USP25: variants seen among roughly 807,000 people sequenced by gnomAD.
USP25 encodes the protein ubiquitin specific peptidase 25, also known as ubiquitin carboxyl-terminal hydrolase 25.
USP25 carries 85 observed loss-of-function variants against 158.5 expected under a neutral mutation model. The observed-to-expected ratio is 0.54, with a 90% CI of 0.45 to 0.64. USP25 has a LOEUF of 0.64. Ranked by LOEUF, USP25 falls within the 30% of genes least tolerant of loss-of-function variation. USP25 has a pLI of 0.00. For missense variants in USP25, 1,242 were observed against 1,327.3 expected, an observed-to-expected ratio of 0.94 and a Z score of 1.00; for synonymous variants, 464 against 460.4, an observed-to-expected ratio of 1.01 and a Z score of -0.10.
rs749731267 is a variant in USP25, at chr21:15,818,704, A to T, written c.938A>T (p.Lys313Ile). ...ATTTTCTCCCTTCTTATAGGTAAAA[A>T]ATTTGAAAACACTGAAATGTTTGGT... Reference protein sequence around the residue: ...FLAVGVLEGKKFENTEMFGQY... With the variant: ...FLAVGVLEGKIFENTEMFGQY... Residue 313 changes from lysine to isoleucine, a missense_variant, in exon 10 of 26, where the codon AAA (lysine) becomes ATA (isoleucine). Lys to Ile is a moderately radical substitution (Grantham distance 102). Coordinates refer to ENST00000400183, the MANE Select transcript of USP25 (RefSeq NM_001283041.3). 2 of 1,604,328 alleles carry T rather than the reference A, an allele frequency of 1.2e-6. No homozygotes were observed. Among genetic ancestry groups the T allele is most frequent in the African/African-American group, 1.3e-5 (1 of 74,546 alleles).
chr21:15,808,748 C>T, intron 7 of USP25, 61 bp from the exon 8 acceptor site: 1 of 1,283,904 alleles, frequency 7.8e-7, no homozygotes, highest in Non-Finnish European at 1.1e-6. Context: ...TTTGATGTTA[C>T]AACATCTAGT....
intron 1 of USP25, among the ~76,000 whole-genome samples, chr21:15,736,068 GT>G (rs1568740398): frequency 6.7e-6 from 1 of 149,922 alleles, no homozygotes; most frequent in African/African-American, 2.5e-5. Flanking sequence ...TTGTTTTGTC[GT>G]CAGTAGTGTT....
At position 15,870,623 on chromosome 21, in the gene USP25, A is replaced by G. The variant is rs147330527; in HGVS notation, c.2885+476A>G. ...TATTATTTTAATTGTTATTAAGAAG[A>G]AAGGATACATTTTGCTTTACTTACA... On this transcript the variant is annotated intron_variant, in intron 23 of 25. Coordinates refer to ENST00000400183, the MANE Select transcript of USP25 (RefSeq NM_001283041.3). Among the ~76,000 whole-genome samples, 386 of 152,304 alleles carry G rather than the reference A, an allele frequency of 2.5e-3. 5 individuals are homozygous for G. Among genetic ancestry groups the G allele is most frequent in the Middle Eastern group, 0.01 (3 of 294 alleles).
In USP25 at chr21:15,830,517, C is replaced by A. The variant is rs1243954826; in HGVS notation, c.1694-14C>A. 6.3e-7 allele frequency: 1 copy of A among 1,595,666 alleles called. No individual in the cohort carries two copies. Among genetic ancestry groups the A allele is most frequent in the Admixed American group, 1.7e-5 (1 of 57,516 alleles). On this transcript the variant is annotated splice_polypyrimidine_tract_variant and intron_variant, in intron 14 of 25. Coordinates refer to ENST00000400183, the MANE Select transcript of USP25 (RefSeq NM_001283041.3). ...ATTTGCTGTTAATCATTAAATGACA[C>A]CTTATATCCTTAGATTTGCAGGAAA...
chr21:15,785,957 A>G (rs1424372416), intron 4 of USP25, among the ~76,000 whole-genome samples: 5 of 152,146 alleles, frequency 3.3e-5, no homozygotes, highest in African/African-American at 1.2e-4. Flanking sequence ...ACCAGACATG[A>G]AAAATGAAAC....
At chr21:15,799,550 CT>C in intron 5 of USP25, 1 of 380,518 alleles carries the variant, frequency 2.6e-6, no homozygotes, top group Non-Finnish European at 4.8e-6. Flanking sequence ...CAAATATAAT[CT>C]TGTGCACTAT....
At chr21:15,765,824 A>G (rs781466579) in intron 2 of USP25, among the ~76,000 whole-genome samples, 173 bp from the exon 3 acceptor site, 4 of 152,084 alleles carry the variant, frequency 2.6e-5, no homozygotes, top group Non-Finnish European at 5.9e-5. Flanking sequence ...ATTACTATTG[A>G]TATAGTATAC....
chr21:15,837,738 A>G (rs2038124338), intron 17 of USP25, among the ~76,000 whole-genome samples: 1 of 152,196 alleles, frequency 6.6e-6, no homozygotes, highest in Non-Finnish European at 1.5e-5. Context: ...GAAGATTGGA[A>G]TGAAGTGTAT....
chr21:15,817,133 A>G (rs181031053), intron 9 of USP25, among the ~76,000 whole-genome samples: 64 of 151,844 alleles, frequency 4.2e-4, no homozygotes, highest in African/African-American at 1.5e-3. Context: ...CTCTGTCTCA[A>G]TAAAAAATAA....
At chr21:15,808,594 AATTG>A (rs923923397) in intron 7 of USP25, among the ~76,000 whole-genome samples, 3 of 151,788 alleles carry the variant, frequency 2.0e-5, no homozygotes, top group African/African-American at 7.2e-5. Context: ...GAAACCCAAT[AATTG>A]ATTATCATAT....
intron 17 of USP25, among the ~76,000 whole-genome samples, chr21:15,839,823 G>A (rs2038243324): frequency 6.6e-6 from 1 of 151,992 alleles, no homozygotes; most frequent in African/African-American, 2.4e-5. Flanking sequence ...TTGCATATAG[G>A]AAATTTTCCT....
At chr21:15,775,584 G>T (rs994571128) in intron 3 of USP25, among the ~76,000 whole-genome samples, 2 of 152,270 alleles carry the variant, frequency 1.3e-5, no homozygotes, top group African/African-American at 2.4e-5. Flanking sequence ...TCTGAGCTAT[G>T]CCTGGAAATT....
In USP25 at chr21:15,877,705, T is replaced by C. The variant is rs527272743; in HGVS notation, c.3010-91T>C. ...TGTTCTAATACTGTTTGTGAACATA[T>C]TTATGTTGTCTTCCTTATTAATACT... is the stretch of plus-strand genomic sequence containing the variant. On this transcript the variant is annotated intron_variant, in intron 24 of 25. Transcript: ENST00000400183. 32 of 912,266 alleles carry C rather than the reference T, an allele frequency of 3.5e-5. No individual in the cohort carries two copies. In the African/African-American group the frequency reaches 5.4e-4, roughly 15 times the overall value. 56.5% of individuals were successfully genotyped at this position (912,266 alleles called of 1,614,324 possible). A position where few individuals can be genotyped will look rare whatever the true frequency, so the allele number is the denominator to read the frequency against.
At chr21:15,810,738 T>G (rs1045691575) in intron 8 of USP25, among the ~76,000 whole-genome samples, 1 of 152,300 alleles carries the variant, frequency 6.6e-6, no homozygotes, top group Non-Finnish European at 1.5e-5. Flanking sequence ...TTTGTAGAAA[T>G]GTATTCTGAT....
chr21:15,745,186 G>A (rs188704404), intron 1 of USP25: 1 of 152,114 alleles, frequency 6.6e-6, no homozygotes, highest in Non-Finnish European at 1.5e-5. Flanking sequence ...TGATAACCCA[G>A]GGCCTCTGTC....
rs751246287 is a variant in USP25 at position 15,766,089 on chromosome 21, A to G, written c.216A>G (p.Thr72=). ...AGGAGGAGACAACTTACTACCAAACAGCACTTCCTGGCAATGATAGATACA... is the reference window on the plus strand; with the variant it reads ...AGGAGGAGACAACTTACTACCAAACGGCACTTCCTGGCAATGATAGATACA... ...PQQEETTYYQ[T]ALPGNDRYIS... is the part of the protein sequence containing the mutation. The change falls in exon 3 of 26, where the codon ACA becomes ACG. Residue 72 remains threonine (T), a synonymous_variant. Transcript: ENST00000400183. The surrounding 1 kb of genome is among the most constrained non-coding windows in gnomAD (Gnocchi z 4.0). 12 of 1,610,866 alleles carry G rather than the reference A, an allele frequency of 7.4e-6. No individual in the cohort carries two copies. Among genetic ancestry groups the G allele is most frequent in the Non-Finnish European group, 1.0e-5 (12 of 1,178,428 alleles).
chr21:15,870,720 C>T (rs140673061), intron 23 of USP25, among the ~76,000 whole-genome samples: 2 of 152,250 alleles, frequency 1.3e-5, no homozygotes, highest in Non-Finnish European at 2.9e-5. Flanking sequence ...ACATTAACTT[C>T]CCTAGTGATT....
At chr21:15,749,921 TC>T (rs2032856570) in intron 1 of USP25, among the ~76,000 whole-genome samples, 1 of 152,220 alleles carries the variant, frequency 6.6e-6, no homozygotes, top group African/African-American at 2.4e-5. Flanking sequence ...TTTCCCTTGT[TC>T]CTGGCATGGA....
intron 1 of USP25, among the ~76,000 whole-genome samples, chr21:15,742,642 C>T (rs1319040339): frequency 6.6e-6 from 1 of 152,046 alleles, no homozygotes; most frequent in Non-Finnish European, 1.5e-5. Context: ...AGGATGAGCA[C>T]AGAAGAAAGG....
Sources: allele counts gnomAD v4.1 joint callset (sites outside exome capture counted in the v4.1 genomes callset), GRCh38; gene constraint gnomAD v4.1.1; non-coding constraint Gnocchi (gnomAD v3.1); transcripts MANE v1.5; gene names NCBI Gene and HGNC (gene_info 2026-07-23, HGNC 2026-07-21).